The following PCDH15 variants were observed in gnomAD, a reference collection of about 807,000 sequenced individuals.
The protein encoded by PCDH15 is protocadherin related 15.
A neutral mutation model predicts 178.5 loss-of-function variants in PCDH15; 129 were observed. The ratio of observed to expected loss-of-function variants is 0.72; its 90% CI spans 0.63 to 0.84. The LOEUF is 0.84. Ranked by LOEUF, PCDH15 falls within the 40% of genes least tolerant of loss-of-function variation. The pLI is 0.00. For synonymous variants in PCDH15, 800 were observed against 732.0 expected, an observed-to-expected ratio of 1.09 and a Z score of -1.50; for missense variants, 2,230 against 2,099.9, an observed-to-expected ratio of 1.06 and a Z score of -1.21.
chr10:54,987,784 C>A (rs912129486), intron 2 of PCDH15, among the ~76,000 whole-genome samples: 4 of 151,240 alleles, frequency 2.6e-5, no homozygotes, highest in African/African-American at 9.7e-5. Context: ...GGGTAGATTG[C>A]AAAATTTTTT....
intron 6 of PCDH15, among the ~76,000 whole-genome samples, chr10:54,339,142 C>T (rs1178043245): frequency 6.6e-6 from 1 of 152,194 alleles, no homozygotes; most frequent in East Asian, 1.9e-4. Context: ...TGTGGCCCAA[C>T]ACAAACATGT....
intron 14 of PCDH15, among the ~76,000 whole-genome samples, chr10:54,141,109 C>CAT (rs920548910): frequency 2.0e-5 from 3 of 150,492 alleles, no homozygotes; most frequent in Admixed American, 2.0e-4. Context: ...TATTTGTATA[C>CAT]ATATATATAA....
chr10:54,993,334 G>A (rs1051872672), intron 2 of PCDH15, among the ~76,000 whole-genome samples: 1 of 152,122 alleles, frequency 6.6e-6, no homozygotes, highest in Non-Finnish European at 1.5e-5. Context: ...GGGTGTGAGA[G>A]TACAGGTAGG....
chr10:55,145,185 T>A (rs1803898958), intron 2 of PCDH15, among the ~76,000 whole-genome samples: 1 of 151,966 alleles, frequency 6.6e-6, no homozygotes, highest in Non-Finnish European at 1.5e-5. Flanking sequence ...TTCCCTCTAA[T>A]TCCCAGTTCC....
chr10:54,941,660 G>T (rs1304466), intron 2 of PCDH15, among the ~76,000 whole-genome samples: 20,456 of 151,874 alleles, frequency 0.13, 1,563 homozygotes, highest in East Asian at 0.24. Flanking sequence ...TTTGTAGACC[G>T]TGTAATTTTT....
chr10:54,986,687 TTAAAC>T (rs2131911158), intron 2 of PCDH15, among the ~76,000 whole-genome samples: 1 of 152,308 alleles, frequency 6.6e-6, no homozygotes, highest in African/African-American at 2.4e-5. Flanking sequence ...AGCCAAGCTA[TTAAAC>T]TTCCGTGTTG....
At chr10:55,621,070 T>C (rs898133846) in intron 2 of PCDH15, among the ~76,000 whole-genome samples, 1 of 152,038 alleles carries the variant, frequency 6.6e-6, no homozygotes, top group Non-Finnish European at 1.5e-5. Flanking sequence ...AATTAGATTC[T>C]ATTGATTCAT....
chr10:54,557,012 T>G (rs7894085), intron 2 of PCDH15, among the ~76,000 whole-genome samples: 38,508 of 151,944 alleles, frequency 0.25, 5,193 homozygotes, highest in Admixed American at 0.35. Flanking sequence ...GTTTTGACTT[T>G]ACTTTATCAG....
chr10:55,625,067 G>A (rs1177433567), intron 2 of PCDH15, among the ~76,000 whole-genome samples: 2 of 152,094 alleles, frequency 1.3e-5, no homozygotes, highest in Non-Finnish European at 2.9e-5. Flanking sequence ...TCTCTCCAGT[G>A]AGAAAGTGAT....
rs77308583 is a variant in PCDH15 at position 54,251,134 on chromosome 10, C to T, written c.877-14203G>A. Among the ~76,000 whole-genome samples, 178 of 152,228 alleles carry T rather than the reference C, an allele frequency of 1.2e-3. 5 individuals are homozygous for T. The East Asian group carries it at 0.028, about 24-fold the overall frequency. On this transcript the variant is annotated intron_variant, in intron 8 of 37. Coordinates refer to ENST00000644397, the MANE Select transcript of PCDH15 (RefSeq NM_001384140.1). ...AAAATTTGATTGAATTTTAGGTTCT[C>T]TATTTACAAACTTTTTCTTTCAATG...
chr10:54,821,374 T>C (rs1373760740), intron 3 of PCDH15, among the ~76,000 whole-genome samples: 1 of 152,030 alleles, frequency 6.6e-6, no homozygotes, highest in Non-Finnish European at 1.5e-5. Context: ...GTCCCATTGT[T>C]GTAGGGGCTA....
At chr10:55,018,233 A>G (rs904889702) in intron 2 of PCDH15, among the ~76,000 whole-genome samples, 5 of 152,072 alleles carry the variant, frequency 3.3e-5, no homozygotes, top group African/African-American at 9.7e-5. Context: ...TTGATCTATG[A>G]TGAACATTTA....
chr10:54,425,458 T>C (rs1369242695), intron 3 of PCDH15, among the ~76,000 whole-genome samples: 1 of 152,136 alleles, frequency 6.6e-6, no homozygotes, highest in African/African-American at 2.4e-5. Flanking sequence ...ACCTTGGATT[T>C]CCAAGCCTCC....
rs552949443 is a variant in PCDH15, at chr10:54,169,274, C to T, written c.1590+14170G>A. On this transcript the variant is annotated intron_variant, in intron 13 of 37. Coordinates refer to ENST00000644397, the MANE Select transcript of PCDH15 (RefSeq NM_001384140.1). ...AAGCCCCCTAGACAATCACGGACGC[C>T]GAGCTTCGGGTAACTCTCACAGTGG... Among the ~76,000 whole-genome samples, 4 of 58,610 alleles carry T rather than the reference C, an allele frequency of 6.8e-5. 1 individual carries two copies. In the East Asian group the frequency reaches 8.0e-4, roughly 12 times the overall value. 38.5% of individuals were successfully genotyped at this position (58,610 alleles called of 152,430 possible). A position where few individuals can be genotyped will look rare whatever the true frequency, so the allele number is the denominator to read the frequency against.
chr10:54,849,658 C>A (rs1020494620), intron 3 of PCDH15, among the ~76,000 whole-genome samples: 8 of 152,132 alleles, frequency 5.3e-5, no homozygotes, highest in African/African-American at 1.9e-4. Flanking sequence ...AGTCATACAA[C>A]ACCCACCCAA....
intron 8 of PCDH15, among the ~76,000 whole-genome samples, chr10:54,303,396 A>G (rs559675740): frequency 1.3e-5 from 2 of 152,160 alleles, no homozygotes; most frequent in South Asian, 2.1e-4. Context: ...CCATATGTAC[A>G]TATATATAAA....
chr10:55,621,819 T>G (rs764845088), intron 2 of PCDH15, among the ~76,000 whole-genome samples: 4 of 150,822 alleles, frequency 2.7e-5, no homozygotes, highest in Non-Finnish European at 5.9e-5. Flanking sequence ...AAAAAAAAAG[T>G]TCAATAAATA....
At chr10:54,653,141 A>C (rs1233324566) in intron 2 of PCDH15, among the ~76,000 whole-genome samples, 1 of 152,196 alleles carries the variant, frequency 6.6e-6, no homozygotes, top group African/African-American at 2.4e-5. Flanking sequence ...ACTTAGATCA[A>C]GTAACTTGAC....
chr10:53,941,421 A>C (rs2086056014), intron 23 of PCDH15, among the ~76,000 whole-genome samples: 1 of 152,152 alleles, frequency 6.6e-6, no homozygotes, highest in Admixed American at 6.6e-5. Context: ...GGAATCACAC[A>C]GTATGTAACC....
Sources: allele counts gnomAD v4.1 joint callset (sites outside exome capture counted in the v4.1 genomes callset), GRCh38; gene constraint gnomAD v4.1.1; transcripts MANE v1.5; gene names NCBI Gene and HGNC (gene_info 2026-07-23, HGNC 2026-07-21).